The following MAPRE3 variants were observed in gnomAD, a reference collection of about 807,000 sequenced individuals.
MAPRE3 encodes the protein microtubule-associated protein RP/EB family member 3.
Under a neutral mutation model 30.5 loss-of-function variants are expected in MAPRE3, and 2 were observed. That is an observed-to-expected ratio of 0.07 (90% CI 0.03 to 0.21). MAPRE3 has a LOEUF of 0.21. Among genes scored for constraint, MAPRE3 ranks in the 10% least tolerant of loss-of-function variants. The pLI is 1.00. For synonymous variants in MAPRE3, 110 were observed against 127.7 expected (o/e 0.86, Z 0.93); for missense variants, 204 against 351.8 (o/e 0.58, Z 3.36).
chr2:26,977,654 C>A (rs1666040326), intron 1 of MAPRE3, among the ~76,000 whole-genome samples: 1 of 152,338 alleles, frequency 6.6e-6, no homozygotes, highest in Non-Finnish European at 1.5e-5. Context: ...GGGTGCCCAC[C>A]TGTGGCCACC....
chr2:26,971,166 ACTC>A (rs1665909757), intron 1 of MAPRE3, among the ~76,000 whole-genome samples: 1 of 149,706 alleles, frequency 6.7e-6, no homozygotes, highest in Non-Finnish European at 1.5e-5. Context: ...CCTCCTCCTC[ACTC>A]CTCCTAGGCC....
intron 1 of MAPRE3, among the ~76,000 whole-genome samples, chr2:27,018,479 G>A (rs1328634500): frequency 3.9e-5 from 6 of 152,096 alleles, no homozygotes; most frequent in Non-Finnish European, 8.8e-5. Flanking sequence ...CCCTATTCTT[G>A]TGGCACTTGC....
At chr2:26,981,868 T>C (rs1666120161) in intron 1 of MAPRE3, among the ~76,000 whole-genome samples, 1 of 152,186 alleles carries the variant, frequency 6.6e-6, no homozygotes, top group Admixed American at 6.5e-5. Context: ...AGTCGACTCT[T>C]AGATGTGCTG....
intron 1 of MAPRE3, among the ~76,000 whole-genome samples, chr2:26,971,507 G>C (rs368734050): frequency 6.6e-6 from 1 of 152,322 alleles, no homozygotes; most frequent in South Asian, 2.1e-4. Flanking sequence ...GTTGCGGAGC[G>C]GGGAGTAGAA....
intron 4 of MAPRE3, 51 bp from the exon 5 acceptor site, chr2:27,025,532 A>G: frequency 6.6e-7 from 1 of 1,522,416 alleles, no homozygotes; most frequent in South Asian, 1.3e-5. Context: ...GTCTCCTGCC[A>G]CGTGCGCTGT....
intron 1 of MAPRE3, among the ~76,000 whole-genome samples, chr2:26,995,041 T>C (rs1272821324): frequency 1.3e-5 from 2 of 152,176 alleles, no homozygotes; most frequent in South Asian, 2.1e-4. Context: ...AATCTCACTA[T>C]GTTGCCCAAG....
At chr2:27,024,451 C>T (rs989121248) in intron 4 of MAPRE3, among the ~76,000 whole-genome samples, 154 bp downstream of exon 4, 2 of 152,160 alleles carry the variant, frequency 1.3e-5, no homozygotes, top group African/African-American at 4.8e-5. Flanking sequence ...GCCAGTTAGA[C>T]CGGGGGAGTG....
At chr2:27,023,970 A>G (rs1012099506) in intron 3 of MAPRE3, 126 bp from the exon 4 acceptor site, 8 of 684,226 alleles carry the variant, frequency 1.2e-5, no homozygotes, top group African/African-American at 9.0e-5. Flanking sequence ...GAGGGGGGCA[A>G]GTGGAGAAGG....
chr2:27,018,205 C>G (rs1156948869), intron 1 of MAPRE3, among the ~76,000 whole-genome samples: 16 of 152,222 alleles, frequency 1.1e-4, no homozygotes, highest in Non-Finnish European at 7.3e-5. Context: ...CCAGAACCAC[C>G]CAAGACCAGA....
chr2:27,019,666 C>G (rs1222067188), intron 1 of MAPRE3, among the ~76,000 whole-genome samples: 3 of 152,228 alleles, frequency 2.0e-5, no homozygotes, highest in Non-Finnish European at 4.4e-5. Context: ...GGTCTTGAGT[C>G]TTTAGGCGCT....
intron 1 of MAPRE3, among the ~76,000 whole-genome samples, chr2:26,989,540 G>A (rs577128348): frequency 1.9e-4 from 29 of 152,308 alleles, no homozygotes; most frequent in South Asian, 2.1e-4. Flanking sequence ...GGTTATTGCT[G>A]TTCCCATCGC....
intron 1 of MAPRE3, among the ~76,000 whole-genome samples, chr2:27,016,755 A>G (rs1405097839): frequency 6.6e-6 from 1 of 151,844 alleles, no homozygotes; most frequent in Non-Finnish European, 1.5e-5. Context: ...TACTTTATAC[A>G]CCTCTGCCCC....
chr2:27,010,758 T>C (rs1178007287), intron 1 of MAPRE3, among the ~76,000 whole-genome samples: 2 of 152,196 alleles, frequency 1.3e-5, no homozygotes, highest in Non-Finnish European at 1.5e-5. Flanking sequence ...CTATATTTCA[T>C]TTCAAATTTT....
At chr2:27,010,028 G>A (rs543696354) in intron 1 of MAPRE3, among the ~76,000 whole-genome samples, 8 of 152,328 alleles carry the variant, frequency 5.3e-5, no homozygotes, top group Admixed American at 3.9e-4. Flanking sequence ...AGCATTGGGT[G>A]CTGAAGCACA....
chr2:26,976,478 G>C (rs1174699049), intron 1 of MAPRE3, among the ~76,000 whole-genome samples: 1 of 152,176 alleles, frequency 6.6e-6, no homozygotes, highest in Non-Finnish European at 1.5e-5. Flanking sequence ...GTTTCGTGAA[G>C]CATGCTGTGG....
chr2:26,983,202 C>T (rs923685348), intron 1 of MAPRE3, among the ~76,000 whole-genome samples: 1 of 152,200 alleles, frequency 6.6e-6, no homozygotes, highest in Non-Finnish European at 1.5e-5. Context: ...AATTAAAAAT[C>T]AAATGTGTAG....
At chr2:27,020,130 G>A (rs141551150) in intron 1 of MAPRE3, among the ~76,000 whole-genome samples, 243 of 152,262 alleles carry the variant, frequency 1.6e-3, no homozygotes, top group Non-Finnish European at 2.7e-3. Context: ...TTTGGGGTGG[G>A]GACGGCATTC....
rs563116512 is a variant in MAPRE3, at chr2:26,984,530, G to A, written c.-8+13728G>A. Among the ~76,000 whole-genome samples, 24 of 152,322 alleles carry A rather than the reference G, an allele frequency of 1.6e-4. No individual in the cohort carries two copies. The South Asian group carries it at 4.6e-3, about 29-fold the overall frequency. On this transcript the variant is annotated intron_variant, in intron 1 of 6. Transcript: ENST00000233121. ...CACTCAGACAGCAGTGGCACCAGGG[G>A]GTGGTTTGGGTGGGCTTTAGCACTG...
At chr2:27,022,079 CT>C in intron 1 of MAPRE3, 132 bp from the exon 2 acceptor site, 1 of 984,954 alleles carries the variant, frequency 1.0e-6, no homozygotes, top group South Asian at 1.6e-5. Context: ...GACCCTCCCT[CT>C]GGGGATAAAC....
Sources: allele counts gnomAD v4.1 joint callset (sites outside exome capture counted in the v4.1 genomes callset), GRCh38; gene constraint gnomAD v4.1.1; transcripts MANE v1.5; gene names NCBI Gene and HGNC (gene_info 2026-07-23, HGNC 2026-07-21).